ZNF250: variants seen among roughly 807,000 people sequenced by gnomAD.
ZNF250 encodes the protein zinc finger protein 250, also known as zinc finger protein (clone 647).
Under a neutral mutation model 37.1 loss-of-function variants are expected in ZNF250, and 13 were observed. That is an observed-to-expected ratio of 0.35 (90% confidence interval 0.23 to 0.56). The LOEUF (loss-of-function observed/expected upper bound fraction) is 0.56, where lower values mean the gene tolerates loss of function less well. ZNF250 is among the 20% of genes least tolerant of loss of function. ZNF250 has a pLI of 0.87. For missense variants in ZNF250, 474 were observed against 697.9 expected (o/e 0.68, Z 3.61); for synonymous variants, 251 against 265.6 (o/e 0.94, Z 0.54).
chr8:144,892,317 A>C (rs1832400494), intron 1 of ZNF250, among the ~76,000 whole-genome samples: 1 of 152,204 alleles, frequency 6.6e-6, no homozygotes, highest in Non-Finnish European at 1.5e-5. Context: ...AATAGCCAAG[A>C]ATTTAACTGG....
intron 1 of ZNF250, among the ~76,000 whole-genome samples, chr8:144,896,609 C>T (rs1586924203): frequency 6.6e-6 from 1 of 152,176 alleles, no homozygotes; most frequent in Middle Eastern, 3.2e-3. Context: ...TCCATCCACA[C>T]TTCACGGGAT....
chr8:144,889,979 G>T lies in ZNF250; in HGVS notation c.123C>A (p.Leu41=). The T allele has an allele frequency of 6.2e-7, 1 of 1,613,090 alleles. No individual in the cohort carries two copies. The highest frequency in any genetic ancestry group is 8.5e-7 in the Non-Finnish European group (1 of 1,179,330). The change falls in exon 3 of 6, where the codon CTC becomes CTA. Residue 41 remains leucine (L), a synonymous_variant. Coordinates refer to ENST00000417550, the MANE Select transcript of ZNF250 (RefSeq NM_001109689.4). ...AGGTTTCCATCATCACATTTCTGTA[G>T]AGACCCCTCTGAGCAGGGCACAGGC... is the stretch of plus-strand genomic sequence containing the variant. ...WDRLCPAQRG[L]YRNVMMETYG...
At position 144,889,982 on chromosome 8, in the gene ZNF250, A is replaced by G. The variant is rs2735906; in HGVS notation, c.120T>C (p.Gly40=). The change falls in exon 3 of 6, where the codon GGT becomes GGC. Residue 40 remains glycine, a synonymous_variant. Coordinates refer to ENST00000417550, the MANE Select transcript of ZNF250 (RefSeq NM_001109689.4). The part of the protein sequence containing the change: ...EWDRLCPAQR[G]LYRNVMMETY... ...TTTCCATCATCACATTTCTGTAGAG[A>G]CCCCTCTGAGCAGGGCACAGGCGGT... The G allele has an allele frequency of 0.78, 1,263,202 of 1,612,478 alleles. 499,468 individuals are homozygous for G. Among genetic ancestry groups the G allele is most frequent in the East Asian group, 1 (44,813 of 44,834 alleles).
intron 1 of ZNF250, among the ~76,000 whole-genome samples, chr8:144,900,040 T>C (rs1338615791): frequency 6.6e-6 from 1 of 151,948 alleles, no homozygotes; most frequent in Non-Finnish European, 1.5e-5. Flanking sequence ...AAAGACAAAT[T>C]GAGAAGCATG....
intron 5 of ZNF250, among the ~76,000 whole-genome samples, chr8:144,886,219 C>T (rs1039212941): frequency 2.0e-5 from 3 of 151,808 alleles, no homozygotes; most frequent in African/African-American, 7.3e-5. Context: ...GCCGGTAATC[C>T]CAGCATGTTG....
At chr8:144,888,595 CAAAA>C (rs36073563) in intron 4 of ZNF250, among the ~76,000 whole-genome samples, 2 of 54,646 alleles carry the variant, frequency 3.7e-5, no homozygotes, top group African/African-American at 1.1e-4. Context: ...AAGACTGTCT[CAAAA>C]AAAAAAAAAA....
At position 144,901,275 on chromosome 8, in the gene ZNF250, GT is replaced by G. The variant is rs1316271971; in HGVS notation, c.-55+123del. 6.6e-6 allele frequency: 1 copy of G among 152,388 alleles called. No homozygotes were observed. Among genetic ancestry groups the G allele is most frequent in the Non-Finnish European group, 1.5e-5 (1 of 68,190 alleles). The allele number at this position is 152,388 out of a possible 1,614,324, so 9.4% of individuals were successfully genotyped here. A position where few individuals can be genotyped will look rare whatever the true frequency, so the allele number is the denominator to read the frequency against. On this transcript the variant is annotated intron_variant, in intron 1 of 5. Coordinates refer to ENST00000417550, the MANE Select transcript of ZNF250 (RefSeq NM_001109689.4). This position sits in a 1 kb window ranked among gnomAD's most constrained non-coding sequence, Gnocchi z 5.4. ...GCGTCCGTGAGGGGAGGGGACCAGC[GT>G]AAACGCAGGAGGCAGTGCGTGCTCG...
chr8:144,883,456 C>G (rs542866391), intron 5 of ZNF250, among the ~76,000 whole-genome samples: 2 of 152,042 alleles, frequency 1.3e-5, no homozygotes, highest in African/African-American at 4.8e-5. Context: ...TCTCGTGTCT[C>G]AGCCTCCTGA....
chr8:144,882,119 A>G lies in ZNF250; in HGVS notation c.1064T>C (p.Ile355Thr). 6.2e-7 allele frequency: 1 copy of G among 1,613,782 alleles called. No individual in the cohort carries two copies. Among genetic ancestry groups the G allele is most frequent in the Non-Finnish European group, 8.5e-7 (1 of 1,179,948 alleles). The change falls in exon 6 of 6, where the codon ATC becomes ACC. Residue 355 changes from isoleucine (I) to threonine (T), a missense_variant. Ile to Thr is a moderately conservative substitution (Grantham distance 89). This residue lies in a region of ZNF250 where 282 missense variants were observed against 470.4 expected (regional missense o/e 0.60). Coordinates refer to ENST00000417550, the MANE Select transcript of ZNF250 (RefSeq NM_001109689.4). The surrounding 1 kb of genome is among the most constrained non-coding windows in gnomAD (Gnocchi z 5.5). ...CGTGTAGGGCTTCTCCCCGGTGTGG[A>G]TCCTCTGGTGCTGCAGCAGTGTCCT... ...VKRTLLQHQR[I>T]HTGEKPYTCS...
In ZNF250 at chr8:144,882,191, TC is replaced by T; in HGVS notation, c.991del (p.Glu331ArgfsTer15). Reference sequence around the variant, plus strand: ...ACACTCATTGCACCTGTGAGGCTTCTCCCCAGTGTGTACCCTCTGGTGGCTC... The same window carrying T: ...ACACTCATTGCACCTGTGAGGCTTCTCCCAGTGTGTACCCTCTGGTGGCTC... The part of the protein sequence containing the change: ...LRSHQRVHTG[E>X]KPHRCNECGK... On this transcript the variant is annotated frameshift_variant, in exon 6 of 6. Coordinates refer to ENST00000417550, the MANE Select transcript of ZNF250 (RefSeq NM_001109689.4). LOFTEE classifies it high-confidence loss of function. This position sits in a 1 kb window ranked among gnomAD's most constrained non-coding sequence, Gnocchi z 5.5. The T allele has an allele frequency of 6.2e-7, 1 of 1,614,150 alleles. No individual in the cohort carries two copies.
chr8:144,890,265 G>A lies in ZNF250; in HGVS notation c.42+43C>T, dbSNP rs954146227. ...CTACGGGGCACGGAAGGAACCACAG[G>A]GCTCGGGCTGGGGGCACTGCATAAG... is the stretch of plus-strand genomic sequence containing the variant. On this transcript the variant is annotated intron_variant, in intron 2 of 5. Coordinates refer to ENST00000417550, the MANE Select transcript of ZNF250 (RefSeq NM_001109689.4). The surrounding 1 kb of genome is among the most constrained non-coding windows in gnomAD (Gnocchi z 5.1). The A allele has an allele frequency of 4.5e-6, 7 of 1,545,692 alleles. No homozygotes were observed. Among genetic ancestry groups the A allele is most frequent in the Admixed American group, 1.8e-5 (1 of 54,348 alleles).
chr8:144,898,874 T>G (rs748345604), intron 1 of ZNF250, among the ~76,000 whole-genome samples: 3 of 152,142 alleles, frequency 2.0e-5, no homozygotes, highest in Non-Finnish European at 4.4e-5. Context: ...GCAATTCCAC[T>G]GCTTGTTATA....
chr8:144,877,400 T>C lies in ZNF250; in HGVS notation c.*4115A>G, dbSNP rs1483544130. 2.0e-5 allele frequency: 3 copies of C among 152,142 alleles called. No homozygotes were observed. The highest frequency in any genetic ancestry group is 4.4e-5 in the Non-Finnish European group (3 of 68,030). 9.4% of individuals were successfully genotyped at this position (152,142 alleles called of 1,614,324 possible). The stretch of plus-strand genomic sequence containing the variant: ...AAGAGAAGTATTTAAATACCTAAAA[T>C]ATACAGACTTCTGAATAAAACAAAT... On this transcript the variant is annotated 3_prime_UTR_variant, in exon 6 of 6. Transcript: ENST00000417550.
rs764185082 is a variant in ZNF250 at position 144,889,707 on chromosome 8, A to G, written c.170-13T>C. ...GATCCTGGAAGTCCTGCTCGTGGGG[A>G]GGGAAGTCTTTGTTTACACAACATT... On this transcript the variant is annotated splice_polypyrimidine_tract_variant and intron_variant, in intron 3 of 5. Coordinates refer to ENST00000417550, the MANE Select transcript of ZNF250 (RefSeq NM_001109689.4). 2 of 1,611,368 alleles carry G rather than the reference A, an allele frequency of 1.2e-6. No homozygotes were observed. The highest frequency in any genetic ancestry group is 1.7e-6 in the Non-Finnish European group (2 of 1,178,568).
At chr8:144,892,885 A>C (rs375681568) in intron 1 of ZNF250, among the ~76,000 whole-genome samples, 16 of 123,676 alleles carry the variant, frequency 1.3e-4, no homozygotes, top group African/African-American at 1.8e-4. Context: ...TTTGAGACGA[A>C]GTCTTGCTCT....
rs1352507838 is a variant in ZNF250 at position 144,880,889 on chromosome 8, T to TAA, written c.*625_*626insTT. ...TCCACACACACATACAAAAAGTTTTTTAAATTTATGTAATTTCTCACTAAT... is the reference window on the plus strand; with the variant it reads ...TCCACACACACATACAAAAAGTTTTTAATAAATTTATGTAATTTCTCACTAAT... On this transcript the variant is annotated 3_prime_UTR_variant, in exon 6 of 6. Transcript: ENST00000417550. 7 of 160,638 alleles carry TAA rather than the reference T, an allele frequency of 4.4e-5. No homozygotes were observed. Among genetic ancestry groups the TAA allele is most frequent in the African/African-American group, 1.7e-4 (7 of 41,638 alleles). 10.0% of individuals were successfully genotyped at this position (160,638 alleles called of 1,614,324 possible).
rs530300942 is a variant in ZNF250, at chr8:144,892,312, C to T, written c.-54-1909G>A. Among the ~76,000 whole-genome samples the T allele has an allele frequency of 2.1e-4, 32 of 152,204 alleles. 1 individual carries two copies. In the South Asian group the frequency reaches 6.6e-3, roughly 32 times the overall value. ...AAGAAGAATGGATGCTAGAGAATAG[C>T]CAAGAATTTAACTGGAAAGAACAGA... On this transcript the variant is annotated intron_variant, in intron 1 of 5. Coordinates refer to ENST00000417550, the MANE Select transcript of ZNF250 (RefSeq NM_001109689.4).
At chr8:144,886,155 A>G (rs1831863961) in intron 5 of ZNF250, among the ~76,000 whole-genome samples, 1 of 151,970 alleles carries the variant, frequency 6.6e-6, no homozygotes, top group African/African-American at 2.4e-5. Context: ...CAGGGTAACA[A>G]GATAGACAAG....
intron 5 of ZNF250, among the ~76,000 whole-genome samples, chr8:144,884,487 C>T (rs555228532): frequency 4.6e-5 from 7 of 151,854 alleles, no homozygotes; most frequent in African/African-American, 1.2e-4. Flanking sequence ...CTCCTGACTT[C>T]GTGATCTACC....
Sources: allele counts gnomAD v4.1 joint callset (sites outside exome capture counted in the v4.1 genomes callset), GRCh38; gene constraint gnomAD v4.1.1; regional missense constraint gnomAD v4.1.1; non-coding constraint Gnocchi (gnomAD v3.1); transcripts MANE v1.5; gene names NCBI Gene and HGNC (gene_info 2026-07-23, HGNC 2026-07-21).